SGK1: variants seen among roughly 807,000 people sequenced by gnomAD.
The protein encoded by SGK1 is serine/threonine-protein kinase Sgk1.
A neutral mutation model predicts 64.2 loss-of-function variants in SGK1; 26 were observed. That is an observed-to-expected ratio of 0.40 (90% CI 0.30 to 0.56). The LOEUF is 0.56. Ranked by LOEUF, SGK1 falls within the 20% of genes least tolerant of loss-of-function variation. SGK1 has a pLI of 0.38. For synonymous variants in SGK1, 265 were observed against 239.7 expected, an observed-to-expected ratio of 1.11 and a Z score of -0.98; for missense variants, 519 against 645.6, an observed-to-expected ratio of 0.80 and a Z score of 2.12.
intron 1 of SGK1, among the ~76,000 whole-genome samples, chr6:134,264,885 C>T (rs1284402629): frequency 1.3e-5 from 2 of 152,194 alleles, no homozygotes; most frequent in East Asian, 1.9e-4. Flanking sequence ...TGGCCTTAGG[C>T]GATCCTCCCA....
At chr6:134,224,097 A>T (rs1459869373) in intron 2 of SGK1, among the ~76,000 whole-genome samples, 3 of 152,236 alleles carry the variant, frequency 2.0e-5, no homozygotes, top group South Asian at 4.1e-4. Flanking sequence ...AACACATGTT[A>T]AAAACAATAC....
At chr6:134,183,741 A>C (rs1432897829) in intron 3 of SGK1, among the ~76,000 whole-genome samples, 1 of 152,034 alleles carries the variant, frequency 6.6e-6, no homozygotes, top group Non-Finnish European at 1.5e-5. Flanking sequence ...GTCTGGGAAA[A>C]AAAATAAACC....
intron 3 of SGK1, among the ~76,000 whole-genome samples, chr6:134,194,525 T>TG (rs1297529831): frequency 2.0e-5 from 3 of 151,386 alleles, no homozygotes; most frequent in African/African-American, 7.3e-5. Context: ...TTTTTCTTTT[T>TG]TTTTTTTTTT....
At chr6:134,175,722 T>C in intron 3 of SGK1, 1 of 1,382,696 alleles carries the variant, frequency 7.2e-7, no homozygotes, top group Non-Finnish European at 9.4e-7. Context: ...GACGTTTCCT[T>C]GAAGGAGCCG....
intron 3 of SGK1, chr6:134,175,007 T>A: frequency 9.0e-7 from 1 of 1,112,288 alleles, no homozygotes; most frequent in Non-Finnish European, 1.2e-6. Context: ...CTACGCTGCC[T>A]GCGGCGGGCG....
intron 5 of SGK1, 120 bp from the exon 6 acceptor site, chr6:134,173,686 A>T: frequency 2.9e-6 from 2 of 685,064 alleles, no homozygotes; most frequent in South Asian, 4.0e-5. Context: ...CCATACATCT[A>T]TAAACATTCA....
intron 2 of SGK1, among the ~76,000 whole-genome samples, chr6:134,213,036 A>G (rs1403074420): frequency 3.9e-5 from 6 of 152,168 alleles, no homozygotes; most frequent in Admixed American, 6.6e-5. Context: ...TTATCATACA[A>G]GTATCACACC....
At chr6:134,305,628 TA>T (rs1369143790) in intron 1 of SGK1, among the ~76,000 whole-genome samples, 1 of 151,936 alleles carries the variant, frequency 6.6e-6, no homozygotes, top group Non-Finnish European at 1.5e-5. Context: ...TGATGGAATT[TA>T]AAAAAATTTA....
intron 1 of SGK1, among the ~76,000 whole-genome samples, chr6:134,275,381 C>T: frequency 6.6e-6 from 1 of 152,294 alleles, no homozygotes; most frequent in East Asian, 1.9e-4. Context: ...GATACCACAG[C>T]TTCTTTCCAA....
chr6:134,232,473 A>AAGAAAGGAAG (rs1776303862), intron 2 of SGK1, among the ~76,000 whole-genome samples: 3 of 96,106 alleles, frequency 3.1e-5, no homozygotes, highest in Non-Finnish European at 6.0e-5. Context: ...GAAAGAAAGA[A>AAGAAAGGAAG]AGAAAGAAAG....
chr6:134,236,641 A>G (rs1743942), intron 2 of SGK1, among the ~76,000 whole-genome samples: 115,283 of 151,674 alleles, frequency 0.76, 44,329 homozygotes, highest in South Asian at 0.91. Context: ...ATAAATAAGT[A>G]AATAATGAAT....
At chr6:134,233,985 C>G (rs1776327369) in intron 2 of SGK1, among the ~76,000 whole-genome samples, 1 of 152,148 alleles carries the variant, frequency 6.6e-6, no homozygotes, top group Non-Finnish European at 1.5e-5. Context: ...ACATCAGTGT[C>G]ATAGTAAAAT....
intron 2 of SGK1, among the ~76,000 whole-genome samples, chr6:134,220,981 CAAAA>C (rs201634413): frequency 1.1e-5 from 1 of 91,038 alleles, no homozygotes. Context: ...GACTCCGGCT[CAAAA>C]AAAAAAAAAA....
intron 1 of SGK1, among the ~76,000 whole-genome samples, chr6:134,295,731 G>T (rs1239940854): frequency 6.6e-6 from 1 of 151,054 alleles, no homozygotes; most frequent in East Asian, 1.9e-4. Flanking sequence ...CCCTATAGAT[G>T]GCAACCTGGA....
At chr6:134,312,769 A>G (rs984867036) in intron 1 of SGK1, among the ~76,000 whole-genome samples, 2 of 149,496 alleles carry the variant, frequency 1.3e-5, no homozygotes, top group African/African-American at 2.5e-5. Context: ...ATTTTTATAT[A>G]TGATAATTTT....
chr6:134,221,731 C>T (rs1044222151), intron 2 of SGK1, among the ~76,000 whole-genome samples: 1 of 151,904 alleles, frequency 6.6e-6, no homozygotes, highest in African/African-American at 2.4e-5. Flanking sequence ...GTGCTCACTG[C>T]AGCCTCTGAC....
intron 2 of SGK1, among the ~76,000 whole-genome samples, chr6:134,213,866 C>T (rs779600594): frequency 2.6e-5 from 4 of 151,942 alleles, no homozygotes; most frequent in Non-Finnish European, 2.9e-5. Flanking sequence ...ATAATAAGAA[C>T]AGCAAAATAA....
intron 2 of SGK1, among the ~76,000 whole-genome samples, chr6:134,245,129 G>A (rs559700593): frequency 4.6e-5 from 7 of 152,066 alleles, no homozygotes; most frequent in African/African-American, 1.7e-4. Flanking sequence ...TTTGTTTAGA[G>A]ATGAGGTCTT....
At chr6:134,237,886 T>C (rs1435364152) in intron 2 of SGK1, among the ~76,000 whole-genome samples, 2 of 152,178 alleles carry the variant, frequency 1.3e-5, no homozygotes, top group Non-Finnish European at 2.9e-5. Flanking sequence ...TGCAAGCCCA[T>C]AGGATTTAAA....
Sources: gnomAD v4.1 joint callset for allele counts (sites outside exome capture counted in the v4.1 genomes callset) on GRCh38, gnomAD v4.1.1 for gene constraint, MANE v1.5 for transcripts, NCBI Gene and HGNC (gene_info 2026-07-23, HGNC 2026-07-21) for gene names.